SNX14: variants seen among roughly 807,000 people sequenced by gnomAD.
SNX14 encodes sorting nexin 14, also known as sorting nexin-14.
In SNX14, 93 loss-of-function variants were observed where a neutral mutation model predicts 133.8. The ratio of observed to expected loss-of-function variants is 0.70; its 90% CI spans 0.59 to 0.83. The LOEUF is 0.83. Among genes scored for constraint, SNX14 ranks in the 40% least tolerant of loss-of-function variants. The probability of loss-of-function intolerance (pLI) is 0.00; values close to 1 mark genes in which losing one functional copy is unlikely to be tolerated. For synonymous variants in SNX14, 368 were observed against 365.6 expected, an observed-to-expected ratio of 1.01 and a Z score of -0.07; for missense variants, 945 against 1,094.9, an observed-to-expected ratio of 0.86 and a Z score of 1.93.
At position 85,514,540 on chromosome 6, in the gene SNX14, A is replaced by T; in HGVS notation, c.2358T>A (p.Thr786=). ...TCAGGTAATCATAGACTCCTTCTAC[A>T]GTCATCACCTCCATAAAATAATTCT... The part of the protein sequence containing the change: ...QNQNYFMEVM[T]VEGVYDYLMY... The change falls in exon 24 of 29, where the codon ACT becomes ACA. Residue 786 remains threonine (T), a synonymous_variant. Transcript: ENST00000314673. 2 of 1,613,532 alleles carry T rather than the reference A, an allele frequency of 1.2e-6. No individual in the cohort carries two copies. Among genetic ancestry groups the T allele is most frequent in the Non-Finnish European group, 1.7e-6 (2 of 1,179,764 alleles).
Position 85,575,108 on chromosome 6 carries a change from C to T in SNX14, c.141-730G>A, listed in dbSNP as rs112732216. Among the ~76,000 whole-genome samples, 948 of 152,286 alleles carry T rather than the reference C, an allele frequency of 6.2e-3. 7 individuals are homozygous for T. Among genetic ancestry groups the T allele is most frequent in the African/African-American group, 0.022 (898 of 41,570 alleles). The stretch of plus-strand genomic sequence containing the variant: ...ATGGGCTTAGGTCTGTGTGAGCACA[C>T]TTCCAAGGAAGAAGGCCTTAAGATG... On this transcript the variant is annotated intron_variant, in intron 1 of 28. Coordinates refer to ENST00000314673, the MANE Select transcript of SNX14 (RefSeq NM_153816.6).
chr6:85,579,441 G>C (rs1798370971), intron 1 of SNX14, among the ~76,000 whole-genome samples: 1 of 152,114 alleles, frequency 6.6e-6, no homozygotes, highest in South Asian at 2.1e-4. Flanking sequence ...ACCTTCATAA[G>C]AATCAAAAAC....
At chr6:85,577,106 G>T (rs1242734810) in intron 1 of SNX14, among the ~76,000 whole-genome samples, 1 of 152,070 alleles carries the variant, frequency 6.6e-6, no homozygotes. Context: ...AGAGGATTAA[G>T]TAGTTGATTA....
chr6:85,549,805 G>T lies in SNX14; in HGVS notation c.709C>A (p.Arg237=). The change falls in exon 8 of 29, where the codon CGA becomes AGA. Residue 237 remains arginine, a synonymous_variant. Coordinates refer to ENST00000314673, the MANE Select transcript of SNX14 (RefSeq NM_153816.6). The stretch of plus-strand genomic sequence containing the variant: ...CTTAAATAGTGCAATTCATCTCTTC[G>T]ACTTCTCAAAGCAACATGAAGCTCT... ...GPELHVALRS[R]RDELHYLRKL... 1 of 1,613,864 alleles carries T rather than the reference G, an allele frequency of 6.2e-7. No individual in the cohort carries two copies. The highest frequency in any genetic ancestry group is 8.5e-7 in the Non-Finnish European group (1 of 1,179,866).
Position 85,572,292 on chromosome 6 carries a change from A to G in SNX14, c.338+6T>C. On this transcript the variant is annotated splice_donor_region_variant and intron_variant, in intron 3 of 28. Coordinates refer to ENST00000314673, the MANE Select transcript of SNX14 (RefSeq NM_153816.6). ...GGATCAACAAATAAAAAAATATTTA[A>G]CTTACCTATGTCGTTTACATTTCAC... 1 of 1,612,700 alleles carries G rather than the reference A, an allele frequency of 6.2e-7. No individual in the cohort carries two copies. Among genetic ancestry groups the G allele is most frequent in the Non-Finnish European group, 8.5e-7 (1 of 1,179,146 alleles).
intron 1 of SNX14, among the ~76,000 whole-genome samples, chr6:85,585,451 T>G (rs1448080015): frequency 6.7e-6 from 1 of 148,420 alleles, no homozygotes; most frequent in African/African-American, 2.5e-5. Flanking sequence ...TTCAGAAACT[T>G]GGGGGGAAAA....
At position 85,565,413 on chromosome 6, in the gene SNX14, C is replaced by G; in HGVS notation, c.468G>C (p.Val156=). ...ENFVYPWYRD[V]TDDESFVDEL... ...CATCAACAAAGGATTCATCATCTGT[C>G]ACATCCCTTCAATAAGGAGAAAAAC... The change falls in exon 6 of 29, where the codon GTG becomes GTC. Residue 156 remains valine (V), a synonymous_variant. Coordinates refer to ENST00000314673, the MANE Select transcript of SNX14 (RefSeq NM_153816.6). 1 of 1,592,300 alleles carries G rather than the reference C, an allele frequency of 6.3e-7. No individual in the cohort carries two copies. The highest frequency in any genetic ancestry group is 8.6e-7 in the Non-Finnish European group (1 of 1,168,332).
chr6:85,559,617 G>C (rs1790876088), intron 6 of SNX14, among the ~76,000 whole-genome samples: 1 of 152,148 alleles, frequency 6.6e-6, no homozygotes, highest in African/African-American at 2.4e-5. Flanking sequence ...ATTAACATTT[G>C]CTAACACTTT....
chr6:85,591,769 G>A (rs959480989), intron 1 of SNX14, among the ~76,000 whole-genome samples: 1 of 152,166 alleles, frequency 6.6e-6, no homozygotes, highest in Non-Finnish European at 1.5e-5. Context: ...CAGCACTTTG[G>A]GAGGCTGAGG....
intron 17 of SNX14, among the ~76,000 whole-genome samples, chr6:85,536,337 C>T (rs897136834): frequency 4.6e-5 from 7 of 152,144 alleles, no homozygotes; most frequent in African/African-American, 1.7e-4. Context: ...TAGGATAGTG[C>T]CTGAGATTCT....
chr6:85,549,674 C>T (rs780246260), intron 8 of SNX14, 49 bp downstream of exon 8: 5 of 1,518,432 alleles, frequency 3.3e-6, no homozygotes, highest in African/African-American at 2.8e-5. Context: ...TAGCAATATA[C>T]ATATGGCATG....
rs1770997411 is a variant in SNX14 at position 85,507,167 on chromosome 6, C to G, written c.2802+66G>C. The G allele has an allele frequency of 3.7e-6, 5 of 1,345,102 alleles. No homozygotes were observed. In the Admixed American group the frequency reaches 5.5e-5, roughly 15 times the overall value. 83.3% of individuals were successfully genotyped at this position (1,345,102 alleles called of 1,614,324 possible). On this transcript the variant is annotated intron_variant, in intron 28 of 28. Coordinates refer to ENST00000314673, the MANE Select transcript of SNX14 (RefSeq NM_153816.6). ...CAAGGGTTTTCTTACATTTATGTCC[C>G]TAATTAAAATAAATGTCAGCATACC... is the stretch of plus-strand genomic sequence containing the variant.
intron 12 of SNX14, among the ~76,000 whole-genome samples, chr6:85,544,323 CAA>C (rs1344588625): frequency 6.7e-6 from 1 of 148,958 alleles, no homozygotes; most frequent in African/African-American, 2.5e-5. Context: ...CTTAATCATT[CAA>C]ACTGAAACAT....
intron 21 of SNX14, among the ~76,000 whole-genome samples, chr6:85,520,633 C>A (rs1239019101): frequency 6.6e-6 from 1 of 151,408 alleles, no homozygotes; most frequent in Non-Finnish European, 1.5e-5. Context: ...GCTGGGACTA[C>A]AGGTGTGAGC....
chr6:85,579,246 G>A (rs1446865428), intron 1 of SNX14, among the ~76,000 whole-genome samples: 5 of 152,120 alleles, frequency 3.3e-5, no homozygotes, highest in African/African-American at 7.2e-5. Context: ...GCCAGGTGCC[G>A]GGCATGGGCA....
chr6:85,588,792 C>G, intron 1 of SNX14: 1 of 445,244 alleles, frequency 2.2e-6, no homozygotes. Flanking sequence ...ATACTGTATT[C>G]TTACAATGAT....
rs767645399 is a variant in SNX14, at chr6:85,558,056, T to A, written c.554A>T (p.Asp185Val). 13 of 1,514,162 alleles carry A rather than the reference T, an allele frequency of 8.6e-6. No individual in the cohort carries two copies. The Admixed American group carries it at 2.3e-4, about 27-fold the overall frequency. The allele number at this position is 1,514,162 out of a possible 1,614,324, so 93.8% of individuals were successfully genotyped here. ...TTTCTTGGTTATAATAGATGGAATA[T>A]CCACCTAGAAAAATTCAAGATTAAA... ...SVLIRRIHKV[D>V]IPSIITKKLL... The change falls in exon 7 of 29, where the codon GAT becomes GTT. Residue 185 changes from aspartate (D) to valine (V), a missense_variant. Transcript: ENST00000314673.
At chr6:85,579,027 A>G (rs1352269597) in intron 1 of SNX14, among the ~76,000 whole-genome samples, 1 of 152,018 alleles carries the variant, frequency 6.6e-6, no homozygotes, top group Non-Finnish European at 1.5e-5. Context: ...AATCCCAGCT[A>G]CTCAGGAGGC....
intron 1 of SNX14, among the ~76,000 whole-genome samples, chr6:85,576,122 G>A (rs1797254402): frequency 6.6e-6 from 1 of 151,950 alleles, no homozygotes; most frequent in Non-Finnish European, 1.5e-5. Flanking sequence ...CCCATTGACT[G>A]AAACCATTTT....
Sources: gnomAD v4.1 joint callset for allele counts (sites outside exome capture counted in the v4.1 genomes callset) on GRCh38, gnomAD v4.1.1 for gene constraint, MANE v1.5 for transcripts, NCBI Gene and HGNC (gene_info 2026-07-23, HGNC 2026-07-21) for gene names.